OVCH1: variants seen among roughly 807,000 people sequenced by gnomAD.
The protein encoded by OVCH1 is ovochymase-1.
Under a neutral mutation model 138.4 loss-of-function variants are expected in OVCH1, and 139 were observed. The observed-to-expected ratio is 1.00, with a 90% CI of 0.87 to 1.16. OVCH1 has a LOEUF of 1.16. OVCH1 is among the 50% of genes most tolerant of loss of function. The probability of loss-of-function intolerance (pLI) is 0.00; values close to 1 mark genes in which losing one functional copy is unlikely to be tolerated. For missense variants in OVCH1, 1,367 were observed against 1,357.9 expected (o/e 1.01, Z -0.11); for synonymous variants, 453 against 467.8 (o/e 0.97, Z 0.41).
At chr12:29,462,463 GTTC>G (rs1942171508) in intron 18 of OVCH1, among the ~76,000 whole-genome samples, 1 of 149,566 alleles carries the variant, frequency 6.7e-6, no homozygotes, top group African/African-American at 2.5e-5. Context: ...TCATAATCCT[GTTC>G]TTCATCTACT....
At chr12:29,427,459 A>T, downstream of OVCH1, 1 of 1,417,838 alleles carries the variant, frequency 7.1e-7, no homozygotes, top group Non-Finnish European at 9.5e-7. Context: ...ATGATAGAGG[A>T]GGTCTCAGGT....
At chr12:29,472,346 GTT>G (rs1024635797) in intron 15 of OVCH1, among the ~76,000 whole-genome samples, 8 of 152,296 alleles carry the variant, frequency 5.3e-5, no homozygotes, top group African/African-American at 1.9e-4. Context: ...AAAATTTCAA[GTT>G]TGTTAGCAGA....
intron 8 of OVCH1, among the ~76,000 whole-genome samples, chr12:29,479,780 AT>A (rs377564129): frequency 0.011 from 1,502 of 139,754 alleles, 24 homozygotes; most frequent in African/African-American, 0.037. Flanking sequence ...AACACTAATA[AT>A]TTTTTTTTTA....
chr12:29,418,837 ATATAT>A (rs1470537630), intron 3 of OVCH1, among the ~76,000 whole-genome samples: 8 of 152,286 alleles, frequency 5.3e-5, no homozygotes, highest in African/African-American at 1.7e-4. Context: ...ATTACTAAAA[ATATAT>A]TATTTTACAT....
chr12:29,415,800 T>G (rs1198756146), intron 3 of OVCH1, among the ~76,000 whole-genome samples: 1 of 152,210 alleles, frequency 6.6e-6, no homozygotes, highest in Non-Finnish European at 1.5e-5. Context: ...CATAGCAAGC[T>G]TATTTTAAAA....
At chr12:29,452,567 A>G (rs967019059) in intron 21 of OVCH1, among the ~76,000 whole-genome samples, 1 of 152,208 alleles carries the variant, frequency 6.6e-6, no homozygotes, top group Admixed American at 6.6e-5. Context: ...AAAAAAAATC[A>G]AATTGTTTTC....
At chr12:29,415,247 G>C (rs1404565657) in intron 3 of OVCH1, among the ~76,000 whole-genome samples, 1 of 152,096 alleles carries the variant, frequency 6.6e-6, no homozygotes, top group East Asian at 1.9e-4. Flanking sequence ...AGAAAGTAAG[G>C]AAAGAAGGGC....
intron 19 of OVCH1, among the ~76,000 whole-genome samples, chr12:29,460,559 A>T (rs1240208079): frequency 6.6e-6 from 1 of 152,150 alleles, no homozygotes; most frequent in Non-Finnish European, 1.5e-5. Flanking sequence ...CTGAGGGATT[A>T]ACAGCCATTT....
At chr12:29,458,826 A>G (rs1465371404) in intron 19 of OVCH1, among the ~76,000 whole-genome samples, 1 of 152,214 alleles carries the variant, frequency 6.6e-6, no homozygotes, top group Non-Finnish European at 1.5e-5. Context: ...AAATGGACAA[A>G]AGATCTGAAT....
intron 18 of OVCH1, 90 bp downstream of exon 18, chr12:29,464,417 C>T: frequency 2.2e-6 from 3 of 1,335,004 alleles, no homozygotes; most frequent in Non-Finnish European, 3.1e-6. Flanking sequence ...AGAAGAGGGG[C>T]TGAAGCGGAT....
At chr12:29,414,002 T>A (rs1940997956) in intron 3 of OVCH1, among the ~76,000 whole-genome samples, 2 of 150,362 alleles carry the variant, frequency 1.3e-5, no homozygotes, top group South Asian at 4.2e-4. Context: ...GCAGCTGGCT[T>A]TTCTCCTCTC....
chr12:29,489,535 G>A (rs1943215654), intron 6 of OVCH1, 85 bp downstream of exon 6: 2 of 1,403,606 alleles, frequency 1.4e-6, no homozygotes, highest in East Asian at 5.1e-5. Flanking sequence ...AGTAATAGAA[G>A]AAACATGAGC....
chr12:29,478,827 ATACT>A lies in OVCH1; in HGVS notation c.1069+4_1069+7del. The A allele has an allele frequency of 6.4e-7, 1 of 1,559,540 alleles. No individual in the cohort carries two copies. The highest frequency in any genetic ancestry group is 8.7e-7 in the Non-Finnish European group (1 of 1,151,166). ...AATGACAAATAAAAACAAATGTAAC[ATACT>A]TACTAAAAAGCACTCCACTGCTTGA... On this transcript the variant is annotated splice_donor_5th_base_variant and intron_variant, in intron 9 of 27. Coordinates refer to ENST00000318184, the Ensembl canonical transcript of OVCH1.
chr12:29,455,236 G>T lies in OVCH1; in HGVS notation c.2437+13C>A. On this transcript the variant is annotated intron_variant, in intron 20 of 27. Coordinates refer to ENST00000318184, the Ensembl canonical transcript of OVCH1. ...AGAGGTTATTGTTTTAATAACATTT[G>T]AAAACAATTTACCATTGATTTTTGA... 2.5e-6 allele frequency: 4 copies of T among 1,610,210 alleles called. No homozygotes were observed. The highest frequency in any genetic ancestry group is 3.4e-6 in the Non-Finnish European group (4 of 1,178,208).
At chr12:29,415,545 A>G (rs1237912810) in intron 3 of OVCH1, among the ~76,000 whole-genome samples, 1 of 151,530 alleles carries the variant, frequency 6.6e-6, no homozygotes, top group Non-Finnish European at 1.5e-5. Flanking sequence ...CCCTAACAAA[A>G]TACCATTTAC....
chr12:29,434,494 CCAATAAAGCA>C (rs1322115688), intron 26 of OVCH1, among the ~76,000 whole-genome samples: 1 of 151,850 alleles, frequency 6.6e-6, no homozygotes, highest in East Asian at 1.9e-4. Context: ...CAAAATTTTC[CCAATAAAGCA>C]CAATAAATTG....
intron 18 of OVCH1, among the ~76,000 whole-genome samples, chr12:29,463,308 T>G (rs1942201610): frequency 6.6e-6 from 1 of 152,088 alleles, no homozygotes; most frequent in East Asian, 1.9e-4. Flanking sequence ...CGAAAGGAAG[T>G]GATATTTTGG....
intron 22 of OVCH1, among the ~76,000 whole-genome samples, chr12:29,447,805 A>C (rs1279867762): frequency 1.3e-5 from 2 of 152,118 alleles, no homozygotes; most frequent in Non-Finnish European, 1.5e-5. Flanking sequence ...GGAATGGATG[A>C]TGCTGCTTTA....
the OVCH1 span, among the ~76,000 whole-genome samples, chr12:29,402,650 AAAG>A: frequency 6.6e-5 from 10 of 152,102 alleles, no homozygotes; most frequent in East Asian, 1.9e-4. Context: ...GAGAGGGAGA[AAAG>A]AAAGGAGAAG....
Sources: allele counts gnomAD v4.1 joint callset (sites outside exome capture counted in the v4.1 genomes callset), GRCh38; gene constraint gnomAD v4.1.1; transcripts MANE v1.5; gene names NCBI Gene and HGNC (gene_info 2026-07-23, HGNC 2026-07-21).